The following PLCB4 variants were observed in gnomAD, a reference collection of about 807,000 sequenced individuals.
PLCB4 encodes the protein 1-phosphatidylinositol 4,5-bisphosphate phosphodiesterase beta-4.
A neutral mutation model predicts 178.8 loss-of-function variants in PLCB4; 77 were observed. The ratio of observed to expected loss-of-function variants is 0.43; its 90% CI spans 0.36 to 0.52. The LOEUF is 0.52. Among genes scored for constraint, PLCB4 ranks in the 20% least tolerant of loss-of-function variants. The probability of loss-of-function intolerance (pLI) is 0.00; values close to 1 mark genes in which losing one functional copy is unlikely to be tolerated. For synonymous variants in PLCB4, 496 were observed against 490.8 expected (o/e 1.01, Z -0.14); for missense variants, 1,024 against 1,453.4 (o/e 0.70, Z 4.80).
chr20:9,448,001 CCTAT>C (rs1416234059), intron 32 of PLCB4, among the ~76,000 whole-genome samples: 1 of 152,142 alleles, frequency 6.6e-6, no homozygotes, highest in Non-Finnish European at 1.5e-5. Flanking sequence ...TATTCTTATG[CCTAT>C]CTGACACTTA....
chr20:9,228,750 T>C (rs2093897387), intron 3 of PLCB4, among the ~76,000 whole-genome samples: 1 of 152,190 alleles, frequency 6.6e-6, no homozygotes, highest in African/African-American at 2.4e-5. Context: ...GTAACTATAA[T>C]GGGAGAACTT....
intron 2 of PLCB4, among the ~76,000 whole-genome samples, chr20:9,197,126 T>C (rs1245739857): frequency 1.3e-5 from 2 of 152,248 alleles, no homozygotes; most frequent in African/African-American, 4.8e-5. Context: ...ATTCTTGTAA[T>C]AACCAGAACT....
intron 29 of PLCB4, among the ~76,000 whole-genome samples, chr20:9,435,981 G>A (rs527291326): frequency 3.9e-5 from 6 of 152,290 alleles, no homozygotes; most frequent in East Asian, 1.9e-4. Flanking sequence ...TGCAACATCC[G>A]AAAAGTTCCA....
At chr20:9,326,442 C>A (rs551729267) in intron 4 of PLCB4, among the ~76,000 whole-genome samples, 1 of 152,272 alleles carries the variant, frequency 6.6e-6, no homozygotes, top group Admixed American at 6.5e-5. Flanking sequence ...ACTTTAAATG[C>A]TCATGGTTGA....
intron 2 of PLCB4, among the ~76,000 whole-genome samples, chr20:9,202,794 A>C (rs974806767): frequency 6.6e-6 from 1 of 152,134 alleles, no homozygotes; most frequent in Non-Finnish European, 1.5e-5. Context: ...GAATCAGAGC[A>C]GGCTGTTTTT....
intron 3 of PLCB4, among the ~76,000 whole-genome samples, chr20:9,297,462 A>G (rs901297838): frequency 6.6e-6 from 1 of 152,222 alleles, no homozygotes; most frequent in Middle Eastern, 3.4e-3. Flanking sequence ...AGTAATCACC[A>G]CTAAATAACT....
chr20:9,306,332 C>A (rs1289380024), intron 3 of PLCB4, among the ~76,000 whole-genome samples: 1 of 152,072 alleles, frequency 6.6e-6, no homozygotes, highest in Non-Finnish European at 1.5e-5. Flanking sequence ...GTCTTGAACT[C>A]CTGACCTCAG....
intron 1 of PLCB4, among the ~76,000 whole-genome samples, chr20:9,071,871 A>G (rs2089590884): frequency 6.6e-6 from 1 of 152,216 alleles, no homozygotes; most frequent in South Asian, 2.1e-4. Context: ...AGTAAGGGTG[A>G]AACAGCATGT....
intron 15 of PLCB4, 52 bp from the exon 16 acceptor site, chr20:9,389,827 C>A (rs946133793): frequency 1.8e-5 from 17 of 942,654 alleles, no homozygotes; most frequent in Middle Eastern, 2.4e-4. Flanking sequence ...GTTTTGGGTG[C>A]CTTAATTTTT....
intron 19 of PLCB4, among the ~76,000 whole-genome samples, chr20:9,396,081 G>A (rs1429224765): frequency 2.6e-5 from 4 of 152,042 alleles, no homozygotes; most frequent in African/African-American, 9.7e-5. Flanking sequence ...TTGGTATTTT[G>A]CCAAACACTT....
chr20:9,361,595 T>G (rs762256667), intron 7 of PLCB4, among the ~76,000 whole-genome samples: 6 of 152,214 alleles, frequency 3.9e-5, no homozygotes, highest in Non-Finnish European at 7.3e-5. Context: ...ATGTACTTAC[T>G]GCCACTGAAT....
At chr20:9,191,251 T>C (rs536107981) in intron 2 of PLCB4, among the ~76,000 whole-genome samples, 154 of 151,920 alleles carry the variant, frequency 1.0e-3, no homozygotes, top group African/African-American at 3.6e-3. Context: ...ACTTAAACAC[T>C]GCTGTGTGGT....
At chr20:9,344,901 A>G (rs66596147) in intron 7 of PLCB4, among the ~76,000 whole-genome samples, 5,533 of 152,334 alleles carry the variant, frequency 0.036, 139 homozygotes, top group Middle Eastern at 0.061. Context: ...CTGCCTGTTA[A>G]AAAGAATTAC....
At chr20:9,301,982 A>T (rs2094710484) in intron 3 of PLCB4, among the ~76,000 whole-genome samples, 2 of 151,980 alleles carry the variant, frequency 1.3e-5, no homozygotes, top group Admixed American at 6.6e-5. Flanking sequence ...GACAATGTAA[A>T]GTCTCTTCCA....
intron 8 of PLCB4, among the ~76,000 whole-genome samples, chr20:9,363,918 T>C (rs1463713877): frequency 1.3e-5 from 2 of 152,242 alleles, no homozygotes; most frequent in African/African-American, 4.8e-5. Context: ...CTGGTCATTG[T>C]GGCAGGTGCT....
chr20:9,144,776 G>GGGAAGGAGT (rs2092567058), intron 2 of PLCB4, among the ~76,000 whole-genome samples: 1 of 139,374 alleles, frequency 7.2e-6, no homozygotes, highest in Non-Finnish European at 1.6e-5. Flanking sequence ...GGGGAATGAG[G>GGGAAGGAGT]GGGAGGAGGG....
chr20:9,397,223 C>G (rs1037346679), intron 19 of PLCB4, among the ~76,000 whole-genome samples: 2 of 152,216 alleles, frequency 1.3e-5, no homozygotes, highest in Non-Finnish European at 2.9e-5. Flanking sequence ...AAACCACCTT[C>G]TTTGCTCATT....
chr20:9,094,783 A>G (rs2090834848), intron 1 of PLCB4, among the ~76,000 whole-genome samples: 1 of 152,170 alleles, frequency 6.6e-6, no homozygotes, highest in Non-Finnish European at 1.5e-5. Flanking sequence ...ACTATGTCAT[A>G]GATTATGATT....
chr20:9,260,343 C>G lies in PLCB4; in HGVS notation c.-16+42891C>G, dbSNP rs182763248. Among the ~76,000 whole-genome samples, 23 of 152,162 alleles carry G rather than the reference C, an allele frequency of 1.5e-4. No homozygotes were observed. In the East Asian group the frequency reaches 4.4e-3, roughly 29 times the overall value. Reference sequence around the variant, plus strand: ...TTTTCTTAATAAACATAGTTATTCTCTTTTTGTAAAAAGTTTCTAATTGAA... The same window carrying G: ...TTTTCTTAATAAACATAGTTATTCTGTTTTTGTAAAAAGTTTCTAATTGAA... On this transcript the variant is annotated intron_variant, in intron 3 of 39. Transcript: ENST00000378473.
Sources: allele counts gnomAD v4.1 joint callset (sites outside exome capture counted in the v4.1 genomes callset), GRCh38; gene constraint gnomAD v4.1.1; transcripts MANE v1.5; gene names NCBI Gene and HGNC (gene_info 2026-07-23, HGNC 2026-07-21).